Variants in STK40 observed in about 807,000 individuals in gnomAD.
STK40 encodes the protein serine/threonine kinase 40.
In STK40, 13 loss-of-function variants were observed where a neutral mutation model predicts 47.9. That is an observed-to-expected ratio of 0.27 (90% CI 0.18 to 0.43). The LOEUF is 0.43. STK40 is among the 20% of genes least tolerant of loss of function. The probability of loss-of-function intolerance (pLI) is 1.00; values close to 1 mark genes in which losing one functional copy is unlikely to be tolerated. For synonymous variants in STK40, 225 were observed against 243.2 expected (o/e 0.93, Z 0.69); for missense variants, 460 against 595.1 (o/e 0.77, Z 2.36).
chr1:36,382,668 T>G (rs1347667839), intron 1 of STK40, among the ~76,000 whole-genome samples: 1 of 152,222 alleles, frequency 6.6e-6, no homozygotes, highest in East Asian at 1.9e-4. Context: ...TCAGGACACT[T>G]CTGACAGCTC....
intron 1 of STK40, among the ~76,000 whole-genome samples, chr1:36,383,240 G>A (rs989740722): frequency 1.3e-5 from 2 of 152,166 alleles, no homozygotes; most frequent in African/African-American, 4.8e-5. Context: ...CATCATACCC[G>A]GCCTCAAATA....
intron 6 of STK40, among the ~76,000 whole-genome samples, chr1:36,349,024 G>A (rs1040972329): frequency 1.3e-5 from 2 of 152,238 alleles, no homozygotes; most frequent in African/African-American, 4.8e-5. Context: ...CACCAGCCGA[G>A]CTGTCCCAGC....
chr1:36,385,335 TCTAA>T (rs10551512), intron 1 of STK40, among the ~76,000 whole-genome samples: 7,029 of 151,430 alleles, frequency 0.046, 532 homozygotes, highest in African/African-American at 0.16. Context: ...GGGGACTCGT[TCTAA>T]CTATCAAGTC....
chr1:36,355,123 G>A, intron 5 of STK40, 83 bp downstream of exon 5: 1 of 1,418,944 alleles, frequency 7.0e-7, no homozygotes, highest in Non-Finnish European at 9.8e-7. Flanking sequence ...TGGGTGCACA[G>A]GACAGAGCTG....
intron 4 of STK40, 137 bp downstream of exon 4, chr1:36,358,101 TG>T: frequency 9.0e-7 from 1 of 1,110,460 alleles, no homozygotes; most frequent in South Asian, 2.7e-5. Flanking sequence ...TCACCCACCC[TG>T]GAAGTCCTGA....
chr1:36,352,652 C>A lies in STK40; in HGVS notation c.623+1712G>T, dbSNP rs12045027. Among the ~76,000 whole-genome samples, 1,705 of 152,282 alleles carry A rather than the reference C, an allele frequency of 0.011. 78 individuals carry two copies. The East Asian group carries it at 0.13, about 12-fold the overall frequency. On this transcript the variant is annotated intron_variant, in intron 6 of 10. Coordinates refer to ENST00000373132, the MANE Select transcript of STK40 (RefSeq NM_001282547.2). Reference sequence around the variant, plus strand: ...CCTCCCTTCCCCCTGCAGAGCATAGCAGGGCAAGGTTCTCATCCCTTCACT... The same window carrying A: ...CCTCCCTTCCCCCTGCAGAGCATAGAAGGGCAAGGTTCTCATCCCTTCACT...
At chr1:36,358,876 G>T (rs909095688) in intron 2 of STK40, 54 bp from the exon 3 acceptor site, 3 of 1,603,784 alleles carry the variant, frequency 1.9e-6, no homozygotes, top group South Asian at 1.1e-5. Context: ...CTGTCACGAC[G>T]CCAGGTCACC....
At chr1:36,347,629 GGCAGTAACTTTATGAGTTT>G (rs1313076667) in intron 7 of STK40, among the ~76,000 whole-genome samples, 6 of 152,212 alleles carry the variant, frequency 3.9e-5, no homozygotes, top group Non-Finnish European at 5.9e-5. Context: ...CAGATCAGTG[GGCAGTAACTTTATGAGTTT>G]TTTTTTTTCT....
intron 6 of STK40, among the ~76,000 whole-genome samples, chr1:36,352,640 T>C (rs1477273561): frequency 1.3e-5 from 2 of 152,198 alleles, no homozygotes; most frequent in Non-Finnish European, 2.9e-5. Context: ...CCCTTCCCCC[T>C]GCAGAGCATA....
Position 36,371,735 on chromosome 1 carries a change from C to G in STK40, c.-8-10395G>C, listed in dbSNP as rs1646950005. On this transcript the variant is annotated intron_variant, in intron 1 of 10. Transcript: ENST00000373132. Reference sequence around the variant, plus strand: ...AAAGGACTGCGTGCGGTGGCTCAAACCTGTAATCCCAGCACTTTAGGAGGC... The same window carrying G: ...AAAGGACTGCGTGCGGTGGCTCAAAGCTGTAATCCCAGCACTTTAGGAGGC... 5.2e-5 allele frequency among the ~76,000 whole-genome samples: 7 copies of G among 134,200 alleles called. No individual in the cohort carries two copies. In the Admixed American group the frequency reaches 5.6e-4, roughly 11 times the overall value. 88.0% of individuals were successfully genotyped at this position (134,200 alleles called of 152,430 possible). A position where few individuals can be genotyped will look rare whatever the true frequency, so the allele number is the denominator to read the frequency against.
chr1:36,341,937 C>T lies in STK40; in HGVS notation c.1126G>A (p.Glu376Lys), dbSNP rs1646652542. 6 of 1,613,988 alleles carry T rather than the reference C, an allele frequency of 3.7e-6. No individual in the cohort carries two copies. Among genetic ancestry groups the T allele is most frequent in the Non-Finnish European group, 5.1e-6 (6 of 1,179,934 alleles). ...AGCAGCTGCTGACGCATGTAGTTCT[C>T]AAACTCGTACTGGGAGCACTCCTCC... ...VTEECSQYEF[E>K]NYMRQQLLLA... The change falls in exon 11 of 11, where the codon GAG becomes AAG. Residue 376 changes from glutamate to lysine, a missense_variant. Transcript: ENST00000373132.
intron 1 of STK40, among the ~76,000 whole-genome samples, chr1:36,385,260 C>A (rs1647075461): frequency 6.6e-6 from 1 of 152,212 alleles, no homozygotes; most frequent in Admixed American, 6.5e-5. Flanking sequence ...ATGAAAATTC[C>A]CCAGCAGCGG....
At position 36,343,879 on chromosome 1, in the gene STK40, T is replaced by G; in HGVS notation, c.985A>C (p.Ser329Arg). Residue 329 changes from serine (S) to arginine (R), a missense_variant, in exon 9 of 11, where the codon AGT (serine) becomes CGT (arginine). Ser to Arg is a moderately radical substitution (Grantham distance 110, BLOSUM62 -1). Around this residue, in one of 3 missense-constraint regions of STK40, gnomAD observed 181 missense variants for 218.9 expected, o/e 0.83. Transcript: ENST00000373132. ...ACTTACCATGATGCAATGATGGCAC[T>G]GAGGGCCTCCAGGACGTCGGCGGCG... Reference protein sequence around the residue: ...LAAADVLEALSAIIASWQSLS... With the variant: ...LAAADVLEALRAIIASWQSLS... 6.2e-7 allele frequency: 1 copy of G among 1,601,918 alleles called. No individual in the cohort carries two copies. The highest frequency in any genetic ancestry group is 8.5e-7 in the Non-Finnish European group (1 of 1,171,332).
chr1:36,353,707 G>A (rs139093971), intron 6 of STK40, among the ~76,000 whole-genome samples: 8 of 152,322 alleles, frequency 5.3e-5, no homozygotes, highest in South Asian at 2.1e-4. Flanking sequence ...GGCCAAGCGC[G>A]GGCCATCTGC....
At chr1:36,383,035 G>T (rs1046697180) in intron 1 of STK40, among the ~76,000 whole-genome samples, 1 of 152,134 alleles carries the variant, frequency 6.6e-6, no homozygotes, top group East Asian at 1.9e-4. Flanking sequence ...CGCAACCTCC[G>T]CCTCCCAGGT....
chr1:36,377,670 G>C (rs1483624173), intron 1 of STK40, among the ~76,000 whole-genome samples: 1 of 152,108 alleles, frequency 6.6e-6, no homozygotes, highest in Non-Finnish European at 1.5e-5. Flanking sequence ...GTGTGCCAAT[G>C]CAATGGTGCA....
At chr1:36,365,982 C>G (rs1646898335) in intron 1 of STK40, 1 of 152,252 alleles carries the variant, frequency 6.6e-6, no homozygotes, top group African/African-American at 2.4e-5. Context: ...TTCCCTCCAG[C>G]TGGTGACAGT....
At chr1:36,347,405 G>T (rs1330541798) in intron 7 of STK40, among the ~76,000 whole-genome samples, 1 of 152,178 alleles carries the variant, frequency 6.6e-6, no homozygotes, top group African/African-American at 2.4e-5. Context: ...TGCGAGAATG[G>T]GCTTTAGTGG....
chr1:36,344,779 CA>C (rs1265958015), intron 7 of STK40, among the ~76,000 whole-genome samples: 2 of 152,252 alleles, frequency 1.3e-5, no homozygotes, highest in Non-Finnish European at 2.9e-5. Context: ...TGCTGAGCCC[CA>C]GTGCCCAGCA....
Sources: gnomAD v4.1 joint callset for allele counts (sites outside exome capture counted in the v4.1 genomes callset) on GRCh38, gnomAD v4.1.1 for gene constraint, gnomAD v4.1.1 regional missense constraint, MANE v1.5 for transcripts, NCBI Gene and HGNC (gene_info 2026-07-23, HGNC 2026-07-21) for gene names.